Variants in NEK1 observed in about 807,000 individuals in gnomAD.
NEK1 encodes serine/threonine-protein kinase Nek1.
A neutral mutation model predicts 182.1 loss-of-function variants in NEK1; 137 were observed. The observed-to-expected ratio is 0.75, with a 90% CI of 0.65 to 0.87. The LOEUF is 0.87. Ranked by LOEUF, NEK1 falls within the 40% of genes least tolerant of loss-of-function variation. NEK1 has a pLI of 0.00. For missense variants in NEK1, 1,391 were observed against 1,494.4 expected (o/e 0.93, Z 1.14); for synonymous variants, 513 against 492.2 (o/e 1.04, Z -0.56).
rs747417925 is a variant in NEK1 at position 169,556,031 on chromosome 4, TC to T, written c.1330del (p.Glu444AsnfsTer64). ...PSSFSSRGQY[E>X]HYHAIFDQMQ... The stretch of plus-strand genomic sequence containing the variant: ...TTGGTCAAAAATGGCATGGTAATGT[TC>T]ATACTGTCCTCGAGAAGAAAAAGAT... On this transcript the variant is annotated frameshift_variant, in exon 17 of 36. Coordinates refer to ENST00000507142, the MANE Select transcript of NEK1 (RefSeq NM_001199397.3). LOFTEE classifies it high-confidence loss of function. The T allele has an allele frequency of 6.2e-7, 1 of 1,613,748 alleles. No individual in the cohort carries two copies.
intron 5 of NEK1, among the ~76,000 whole-genome samples, chr4:169,594,155 C>G (rs1040596679): frequency 6.6e-6 from 1 of 152,148 alleles, no homozygotes; most frequent in African/African-American, 2.4e-5. Context: ...AAGAACCATA[C>G]AGTAATTATC....
chr4:169,499,079 T>G (rs1483715373), intron 23 of NEK1, among the ~76,000 whole-genome samples: 1 of 152,250 alleles, frequency 6.6e-6, no homozygotes, highest in Non-Finnish European at 1.5e-5. Context: ...CATAGTCCCA[T>G]AATTCTTGGA....
chr4:169,570,564 GC>G (rs1764624667), intron 12 of NEK1, among the ~76,000 whole-genome samples: 1 of 149,184 alleles, frequency 6.7e-6, no homozygotes, highest in South Asian at 2.1e-4. Context: ...GGGGGGGTCA[GC>G]CCCCCGCCCG....
chr4:169,482,949 T>A (rs1748354799), intron 23 of NEK1, among the ~76,000 whole-genome samples: 2 of 152,184 alleles, frequency 1.3e-5, no homozygotes, highest in Non-Finnish European at 2.9e-5. Flanking sequence ...GTAGCACTTT[T>A]AATTTCCTTC....
chr4:169,455,528 T>C (rs1358525986), intron 27 of NEK1, among the ~76,000 whole-genome samples: 2 of 152,184 alleles, frequency 1.3e-5, no homozygotes, highest in African/African-American at 4.8e-5. Flanking sequence ...AATAACGTCA[T>C]TATATAATTA....
chr4:169,394,525 T>A lies in NEK1; in HGVS notation c.3848-2A>T. The A allele has an allele frequency of 7.1e-7, 1 of 1,400,562 alleles. No homozygotes were observed. The highest frequency in any genetic ancestry group is 9.8e-7 in the Non-Finnish European group (1 of 1,021,150). The allele number at this position is 1,400,562 out of a possible 1,614,324, so 86.8% of individuals were successfully genotyped here. ...ATTTTGAGGATTATTCATCATTATCTGTAGAAAAAAGAAAAAAATTGACTT... is the reference window on the plus strand; with the variant it reads ...ATTTTGAGGATTATTCATCATTATCAGTAGAAAAAAGAAAAAAATTGACTT... On this transcript the variant is annotated splice_acceptor_variant, in intron 35 of 35. Coordinates refer to ENST00000507142, the MANE Select transcript of NEK1 (RefSeq NM_001199397.3). LOFTEE classifies it high-confidence loss of function.
chr4:169,463,927 AG>A (rs1744450721), intron 26 of NEK1, among the ~76,000 whole-genome samples: 1 of 152,074 alleles, frequency 6.6e-6, no homozygotes, highest in African/African-American at 2.4e-5. Flanking sequence ...ACCACCACAA[AG>A]GGCCTCATTT....
intron 4 of NEK1, among the ~76,000 whole-genome samples, chr4:169,600,164 A>T (rs747122148): frequency 2.6e-5 from 4 of 152,060 alleles, no homozygotes; most frequent in Non-Finnish European, 5.9e-5. Context: ...CCTAGTTCTC[A>T]CTTCTTTCAC....
intron 32 of NEK1, among the ~76,000 whole-genome samples, chr4:169,403,079 G>C (rs1279451569): frequency 2.0e-5 from 3 of 152,104 alleles, no homozygotes; most frequent in Non-Finnish European, 4.4e-5. Flanking sequence ...GTGTAAGACT[G>C]TCAATATAAT....
rs1409444766 is a variant in NEK1 at position 169,433,658 on chromosome 4, A to G, written c.2772T>C (p.Asp924=). 1 of 1,613,424 alleles carries G rather than the reference A, an allele frequency of 6.2e-7. No individual in the cohort carries two copies. Among genetic ancestry groups the G allele is most frequent in the African/African-American group, 1.3e-5 (1 of 75,040 alleles). ...CTTGTAGAATTTCTGTTTCCAAATC[A>G]TCAGGTTCTGCAAAGGATAAACGTA... The part of the protein sequence containing the change: ...LKLEGNLEEP[D]DLETEILQEP... Residue 924 remains aspartate, a synonymous_variant, in exon 29 of 36, where the codon GAT becomes GAC. Transcript: ENST00000507142.
chr4:169,456,456 A>G (rs1742902080), intron 27 of NEK1, among the ~76,000 whole-genome samples: 1 of 152,184 alleles, frequency 6.6e-6, no homozygotes, highest in Admixed American at 6.5e-5. Context: ...AAAATCAACA[A>G]ACCTTTATCC....
At chr4:169,492,150 A>G (rs1375562930) in intron 23 of NEK1, among the ~76,000 whole-genome samples, 1 of 152,250 alleles carries the variant, frequency 6.6e-6, no homozygotes, top group African/African-American at 2.4e-5. Context: ...ACCTATCAAT[A>G]ACAATCTTCA....
At chr4:169,595,775 T>G (rs1055031518) in intron 5 of NEK1, among the ~76,000 whole-genome samples, 1 of 151,518 alleles carries the variant, frequency 6.6e-6, no homozygotes, top group Non-Finnish European at 1.5e-5. Flanking sequence ...TCCAAAAAAA[T>G]TAGCCGGCGT....
chr4:169,496,865 C>CT (rs1237113029), intron 23 of NEK1, among the ~76,000 whole-genome samples: 5 of 152,192 alleles, frequency 3.3e-5, no homozygotes, highest in African/African-American at 1.2e-4. Context: ...CTAAAATTCT[C>CT]TTTTTTTGTT....
intron 31 of NEK1, among the ~76,000 whole-genome samples, chr4:169,412,893 G>C (rs1291043254): frequency 6.6e-6 from 1 of 151,322 alleles, no homozygotes; most frequent in African/African-American, 2.4e-5. Flanking sequence ...GTGGGGGGAG[G>C]GAGGGAGGAA....
chr4:169,507,036 C>A lies in NEK1; in HGVS notation c.2007+1G>T, dbSNP rs1169358983. ...GATTAAGAATATGAGCTAAATCTTACATGCTCTTCCCACACTTTTTTTTCT... is the reference window on the plus strand; with the variant it reads ...GATTAAGAATATGAGCTAAATCTTAAATGCTCTTCCCACACTTTTTTTTCT... On this transcript the variant is annotated splice_donor_variant, in intron 23 of 35. Transcript: ENST00000507142. LOFTEE classifies it high-confidence loss of function. 4 of 1,600,058 alleles carry A rather than the reference C, an allele frequency of 2.5e-6. No homozygotes were observed. Among genetic ancestry groups the A allele is most frequent in the Non-Finnish European group, 3.4e-6 (4 of 1,171,274 alleles).
chr4:169,605,064 T>C (rs1771113827), intron 2 of NEK1, among the ~76,000 whole-genome samples: 1 of 152,210 alleles, frequency 6.6e-6, no homozygotes, highest in Admixed American at 6.5e-5. Flanking sequence ...CTCATCTTAG[T>C]AATCTAAATT....
At chr4:169,431,158 G>C (rs1254135805) in intron 29 of NEK1, among the ~76,000 whole-genome samples, 1 of 152,026 alleles carries the variant, frequency 6.6e-6, no homozygotes, top group African/African-American at 2.4e-5. Context: ...AGAAGGATGA[G>C]CCAATGCAGA....
chr4:169,393,161 C>T lies in NEK1; in HGVS notation c.*1349G>A, dbSNP rs931453597. On this transcript the variant is annotated 3_prime_UTR_variant, in exon 36 of 36. Transcript: ENST00000507142. ...TTAAAATATTGAATTCATTTTCTTCCATTATGAAGAAAGAAATCATCAGGT... is the reference window on the plus strand; with the variant it reads ...TTAAAATATTGAATTCATTTTCTTCTATTATGAAGAAAGAAATCATCAGGT... 9.9e-5 allele frequency: 15 copies of T among 152,068 alleles called. No individual in the cohort carries two copies. The highest frequency in any genetic ancestry group is 3.6e-4 in the African/African-American group (15 of 41,404). 9.4% of individuals were successfully genotyped at this position (152,068 alleles called of 1,614,324 possible).
Sources: allele counts gnomAD v4.1 joint callset (sites outside exome capture counted in the v4.1 genomes callset), GRCh38; gene constraint gnomAD v4.1.1; transcripts MANE v1.5; gene names NCBI Gene and HGNC (gene_info 2026-07-23, HGNC 2026-07-21).